ZNF641: variants seen among roughly 807,000 people sequenced by gnomAD.
The protein encoded by ZNF641 is zinc finger protein 641.
Under a neutral mutation model 46.2 loss-of-function variants are expected in ZNF641, and 26 were observed. The observed-to-expected ratio is 0.56, with a 90% CI of 0.41 to 0.78. The LOEUF is 0.78. ZNF641 is among the 30% of genes least tolerant of loss of function. The probability of loss-of-function intolerance (pLI) is 0.00; values close to 1 mark genes in which losing one functional copy is unlikely to be tolerated. For missense variants in ZNF641, 469 were observed against 517.8 expected (o/e 0.91, Z 0.91); for synonymous variants, 163 against 187.9 (o/e 0.87, Z 1.09).
At position 48,343,322 on chromosome 12, in the gene ZNF641, G is replaced by A; in HGVS notation, c.926C>T (p.Ser309Phe). 1 of 1,614,196 alleles carries A rather than the reference G, an allele frequency of 6.2e-7. No individual in the cohort carries two copies. Among genetic ancestry groups the A allele is most frequent in the South Asian group, 1.1e-5 (1 of 91,080 alleles). Reference sequence around the variant, plus strand: ...GCATCGGAAATTCTTACCACACTCAGAGCACCTGCTGGTCTTGTCATGTAG... The same window carrying A: ...GCATCGGAAATTCTTACCACACTCAAAGCACCTGCTGGTCTTGTCATGTAG... Reference protein sequence around the residue: ...THLHDKTSRCSECGKNFRCNS... With the variant: ...THLHDKTSRCFECGKNFRCNS... Residue 309 changes from serine to phenylalanine, a missense_variant, in exon 6 of 6, where the codon TCT (serine) becomes TTT (phenylalanine). Ser to Phe is a radical substitution (Grantham distance 155). Transcript: ENST00000547026.
Position 48,342,237 on chromosome 12 carries a change from T to C in ZNF641, c.*736A>G, listed in dbSNP as rs545107960. ...ATGTGCAGGATGAAGGGAGTAGGAATAATGGGTAAAAAGGTTATTTTTTCA... is the reference window on the plus strand; with the variant it reads ...ATGTGCAGGATGAAGGGAGTAGGAACAATGGGTAAAAAGGTTATTTTTTCA... On this transcript the variant is annotated 3_prime_UTR_variant, in exon 6 of 6. Transcript: ENST00000547026. 37 of 985,482 alleles carry C rather than the reference T, an allele frequency of 3.8e-5. No individual in the cohort carries two copies. The South Asian group carries it at 1.4e-3, about 38-fold the overall frequency. The allele number at this position is 985,482 out of a possible 1,614,324, so 61.0% of individuals were successfully genotyped here.
intron 2 of ZNF641, among the ~76,000 whole-genome samples, chr12:48,347,602 T>C (rs1021971713): frequency 1.3e-5 from 2 of 152,268 alleles, no homozygotes; most frequent in African/African-American, 4.8e-5. Flanking sequence ...TACATCTTAC[T>C]GAGTGGGTTA....
chr12:48,349,916 G>C (rs996928471), intron 1 of ZNF641: 7 of 1,091,032 alleles, frequency 6.4e-6, no homozygotes, highest in Non-Finnish European at 8.4e-6. Context: ...ATCTCCCCCA[G>C]GTAGCAGAGT....
chr12:48,340,456 GA>G lies in ZNF641; in HGVS notation c.*2516del. The G allele has an allele frequency of 1.0e-6, 1 of 985,426 alleles. No individual in the cohort carries two copies. The highest frequency in any genetic ancestry group is 1.2e-6 in the Non-Finnish European group (1 of 829,932). 61.0% of individuals were successfully genotyped at this position (985,426 alleles called of 1,614,324 possible). ...ATTTGTCAGCATGTCAGATCTTTTTGAAAACCAGAGAGTAGAATGTAAGCAA... is the reference window on the plus strand; with the variant it reads ...ATTTGTCAGCATGTCAGATCTTTTTGAAACCAGAGAGTAGAATGTAAGCAA... On this transcript the variant is annotated 3_prime_UTR_variant, in exon 6 of 6. Transcript: ENST00000547026.
Position 48,342,953 on chromosome 12 carries a change from A to G in ZNF641, c.*20T>C. The G allele has an allele frequency of 6.3e-7, 1 of 1,588,874 alleles. No individual in the cohort carries two copies. The highest frequency in any genetic ancestry group is 1.2e-5 in the South Asian group (1 of 85,754). The stretch of plus-strand genomic sequence containing the variant: ...AGCACCGGCTGATAGACTTGACCAT[A>G]GCTGTAGTGGAAACAGATTTCAAAA... On this transcript the variant is annotated 3_prime_UTR_variant, in exon 6 of 6. Coordinates refer to ENST00000547026, the MANE Select transcript of ZNF641 (RefSeq NM_001172681.2).
At position 48,340,981 on chromosome 12, in the gene ZNF641, A is replaced by C; in HGVS notation, c.*1992T>G. The C allele has an allele frequency of 1.0e-6, 1 of 985,510 alleles. No homozygotes were observed. Among genetic ancestry groups the C allele is most frequent in the Non-Finnish European group, 1.2e-6 (1 of 829,956 alleles). The allele number at this position is 985,510 out of a possible 1,614,324, so 61.0% of individuals were successfully genotyped here. ...TTGCCTTATTCATAGGATCATAAGCAAGAGAACTGCATTCCAGGAAGAATG... is the reference window on the plus strand; with the variant it reads ...TTGCCTTATTCATAGGATCATAAGCCAGAGAACTGCATTCCAGGAAGAATG... On this transcript the variant is annotated 3_prime_UTR_variant, in exon 6 of 6. Transcript: ENST00000547026.
rs1317016170 is a variant in ZNF641 at position 48,340,834 on chromosome 12, G to A, written c.*2139C>T. The A allele has an allele frequency of 1.0e-6, 1 of 985,330 alleles. No homozygotes were observed. Among genetic ancestry groups the A allele is most frequent in the African/African-American group, 1.7e-5 (1 of 57,258 alleles). The allele number at this position is 985,330 out of a possible 1,614,324, so 61.0% of individuals were successfully genotyped here. Reference sequence around the variant, plus strand: ...GAGGGAGAGTAAAAGAAATGTCAGAGTCCAGATTTATCACTGAACCCAATA... The same window carrying A: ...GAGGGAGAGTAAAAGAAATGTCAGAATCCAGATTTATCACTGAACCCAATA... On this transcript the variant is annotated 3_prime_UTR_variant, in exon 6 of 6. Transcript: ENST00000547026.
In ZNF641 at chr12:48,342,025, G is replaced by A; in HGVS notation, c.*948C>T. ...ACCTAGCTTGTACAGTTTGCACATA[G>A]CATGCTGTCTTCAAAGACCCTGCAC... is the stretch of plus-strand genomic sequence containing the variant. On this transcript the variant is annotated 3_prime_UTR_variant, in exon 6 of 6. Coordinates refer to ENST00000547026, the MANE Select transcript of ZNF641 (RefSeq NM_001172681.2). 1.0e-6 allele frequency: 1 copy of A among 985,426 alleles called. No homozygotes were observed. The highest frequency in any genetic ancestry group is 1.2e-6 in the Non-Finnish European group (1 of 829,956). The allele number at this position is 985,426 out of a possible 1,614,324, so 61.0% of individuals were successfully genotyped here.
Position 48,343,632 on chromosome 12 carries a change from G to C in ZNF641, c.616C>G (p.Pro206Ala). 6.3e-7 allele frequency: 1 copy of C among 1,596,358 alleles called. No individual in the cohort carries two copies. Among genetic ancestry groups the C allele is most frequent in the Non-Finnish European group, 8.5e-7 (1 of 1,170,934 alleles). The change falls in exon 6 of 6, where the codon CCG becomes GCG. Residue 206 changes from proline to alanine, a missense_variant. This residue lies in a region of ZNF641 where 346 missense variants were observed against 354.0 expected (regional missense o/e 0.98). Transcript: ENST00000547026. ...GAATCCCAGCTCTCATCATGCTCCG[G>C]GTTCCAGAGAACAGTATCTTCAGAC... is the stretch of plus-strand genomic sequence containing the variant. ...SVSEDTVLWN[P>A]EHDESWDSMP...
chr12:48,343,374 G>A lies in ZNF641; in HGVS notation c.874C>T (p.His292Tyr). The A allele has an allele frequency of 6.2e-7, 1 of 1,614,176 alleles. No individual in the cohort carries two copies. The highest frequency in any genetic ancestry group is 8.5e-7 in the Non-Finnish European group (1 of 1,180,036). ...KCEKTFGRRH[H>Y]LIRHQKTHLH... is the part of the protein sequence containing the mutation. Reference sequence around the variant, plus strand: ...TGGGTTTTCTGGTGCCTGATGAGGTGATGTCTTCGCCCAAAGGTCTTCTCA... The same window carrying A: ...TGGGTTTTCTGGTGCCTGATGAGGTAATGTCTTCGCCCAAAGGTCTTCTCA... The change falls in exon 6 of 6, where the codon CAC (histidine) becomes TAC (tyrosine). Residue 292 changes from histidine to tyrosine, a missense_variant. By Grantham distance (83) the His-to-Tyr change is moderately conservative. Coordinates refer to ENST00000547026, the MANE Select transcript of ZNF641 (RefSeq NM_001172681.2).
In ZNF641 at chr12:48,337,509, C is replaced by CA. The variant is rs1952623083; in HGVS notation, c.*5463dup. Reference sequence around the variant, plus strand: ...CAGTGCCTGGCACATAATAAGGACACAAAAAATTGCTTGTAGAATTGAGAG... The same window carrying CA: ...CAGTGCCTGGCACATAATAAGGACACAAAAAAATTGCTTGTAGAATTGAGAG... On this transcript the variant is annotated 3_prime_UTR_variant, in exon 6 of 6. Transcript: ENST00000547026. 6.6e-6 allele frequency: 1 copy of CA among 152,136 alleles called. No individual in the cohort carries two copies. The allele number at this position is 152,136 out of a possible 1,614,324, so 9.4% of individuals were successfully genotyped here.
chr12:48,345,815 T>C (rs951057259), intron 3 of ZNF641, among the ~76,000 whole-genome samples: 6 of 152,252 alleles, frequency 3.9e-5, no homozygotes, highest in Non-Finnish European at 7.3e-5. Context: ...GAAGAAATTA[T>C]GTACCATTTC....
chr12:48,344,915 TC>T (rs1952826280), intron 4 of ZNF641: 2 of 547,728 alleles, frequency 3.7e-6, no homozygotes, highest in Non-Finnish European at 3.2e-6. Flanking sequence ...TCACTCTCCT[TC>T]CCAATGAACC....
At position 48,347,892 on chromosome 12, in the gene ZNF641, T is replaced by G. The variant is rs1384080159; in HGVS notation, c.184+15A>C. 42 of 1,612,970 alleles carry G rather than the reference T, an allele frequency of 2.6e-5. No individual in the cohort carries two copies. The highest frequency in any genetic ancestry group is 3.5e-5 in the Non-Finnish European group (41 of 1,179,160). On this transcript the variant is annotated intron_variant, in intron 2 of 5. Coordinates refer to ENST00000547026, the MANE Select transcript of ZNF641 (RefSeq NM_001172681.2). ...ACTATGCACTGTGCTTCCCACACAC[T>G]CTGTGAGTTCTCACCCTTCTCCTGA... is the stretch of plus-strand genomic sequence containing the variant.
intron 4 of ZNF641, among the ~76,000 whole-genome samples, chr12:48,344,999 A>T (rs1952829165): frequency 6.6e-6 from 1 of 152,096 alleles, no homozygotes; most frequent in African/African-American, 2.4e-5. Flanking sequence ...TCCTACTACG[A>T]CAGTCCTACT....
At chr12:48,348,195 C>A in intron 1 of ZNF641, 80 bp from the exon 2 acceptor site, 1 of 1,437,978 alleles carries the variant, frequency 7.0e-7, no homozygotes. Context: ...AGAACAGGCC[C>A]AGGGATAATA....
rs1007633154 is a variant in ZNF641, at chr12:48,339,506, G to A, written c.*3467C>T. ...CAAAGACCAAATTTTGAGAGCCACA[G>A]TTTGGTATGGCTCACAAGGGAAAAG... On this transcript the variant is annotated 3_prime_UTR_variant, in exon 6 of 6. Transcript: ENST00000547026. 6.6e-6 allele frequency: 1 copy of A among 152,192 alleles called. No homozygotes were observed. The highest frequency in any genetic ancestry group is 1.5e-5 in the Non-Finnish European group (1 of 68,050). 9.4% of individuals were successfully genotyped at this position (152,192 alleles called of 1,614,324 possible).
At position 48,342,873 on chromosome 12, in the gene ZNF641, A is replaced by C; in HGVS notation, c.*100T>G. The C allele has an allele frequency of 6.7e-7, 1 of 1,496,364 alleles. No homozygotes were observed. Among genetic ancestry groups the C allele is most frequent in the Non-Finnish European group, 8.8e-7 (1 of 1,131,958 alleles). The allele number at this position is 1,496,364 out of a possible 1,614,324, so 92.7% of individuals were successfully genotyped here. ...CTTTCTAGGGATGGGGTCAGGGCTTATGATTCTGGCCACTGGGGTTCAGGA... is the reference window on the plus strand; with the variant it reads ...CTTTCTAGGGATGGGGTCAGGGCTTCTGATTCTGGCCACTGGGGTTCAGGA... On this transcript the variant is annotated 3_prime_UTR_variant, in exon 6 of 6. Coordinates refer to ENST00000547026, the MANE Select transcript of ZNF641 (RefSeq NM_001172681.2).
intron 4 of ZNF641, 116 bp downstream of exon 4, chr12:48,345,229 G>A (rs1489107): frequency 0.031 from 36,555 of 1,196,408 alleles, 710 homozygotes; most frequent in Non-Finnish European, 0.037. Flanking sequence ...CGGAAGCATA[G>A]ACAGATTCCC....
Sources: allele counts gnomAD v4.1 joint callset (sites outside exome capture counted in the v4.1 genomes callset), GRCh38; gene constraint gnomAD v4.1.1; regional missense constraint gnomAD v4.1.1; transcripts MANE v1.5; gene names NCBI Gene and HGNC (gene_info 2026-07-23, HGNC 2026-07-21).